Variants in CBL observed in about 807,000 individuals in gnomAD.
CBL encodes the protein Cbl proto-oncogene.
Under a neutral mutation model 96.9 loss-of-function variants are expected in CBL, and 45 were observed. The observed-to-expected ratio is 0.46, with a 90% CI of 0.37 to 0.60. CBL has a LOEUF of 0.60. Among genes scored for constraint, CBL ranks in the 20% least tolerant of loss-of-function variants. The pLI, the probability that CBL is intolerant of heterozygous loss-of-function variation, is 0.00. For missense variants in CBL, 1,024 were observed against 1,143.5 expected (o/e 0.90, Z 1.51); for synonymous variants, 420 against 426.8 (o/e 0.98, Z 0.20).
chr11:119,285,143 T>C, intron 10 of CBL, 43 bp downstream of exon 10: 1 of 1,614,140 alleles, frequency 6.2e-7, no homozygotes, highest in Non-Finnish European at 8.5e-7. Flanking sequence ...TTCTTTGCTG[T>C]GTACTAGTGG....
At chr11:119,230,678 G>A (rs1273188859) in intron 1 of CBL, among the ~76,000 whole-genome samples, 4 of 152,100 alleles carry the variant, frequency 2.6e-5, no homozygotes, top group Non-Finnish European at 4.4e-5. Flanking sequence ...TTCTCATATG[G>A]ATAACAAAGT....
At chr11:119,231,173 C>G (rs1318734351) in intron 1 of CBL, among the ~76,000 whole-genome samples, 1 of 152,092 alleles carries the variant, frequency 6.6e-6, no homozygotes, top group Non-Finnish European at 1.5e-5. Context: ...AAGGCTGAGG[C>G]TGGCAGATCA....
intron 2 of CBL, among the ~76,000 whole-genome samples, chr11:119,269,927 G>A (rs1949830377): frequency 6.6e-6 from 1 of 152,130 alleles, no homozygotes; most frequent in African/African-American, 2.4e-5. Flanking sequence ...AACCCGGGAG[G>A]CGGAGCTTGC....
At chr11:119,267,969 A>G (rs1317859230) in intron 2 of CBL, among the ~76,000 whole-genome samples, 1 of 152,226 alleles carries the variant, frequency 6.6e-6, no homozygotes, top group African/African-American at 2.4e-5. Context: ...ACTGGGTCTT[A>G]TTTCAGACCA....
intron 9 of CBL, among the ~76,000 whole-genome samples, chr11:119,281,978 T>G (rs934136821): frequency 1.3e-5 from 2 of 152,246 alleles, no homozygotes; most frequent in Non-Finnish European, 2.9e-5. Flanking sequence ...ATTTCTCTGA[T>G]CACTTATTTT....
intron 2 of CBL, among the ~76,000 whole-genome samples, chr11:119,264,000 A>G (rs1272535127): frequency 6.6e-6 from 1 of 152,214 alleles, no homozygotes; most frequent in East Asian, 1.9e-4. Context: ...TATGAGTCTT[A>G]AGCCTATACC....
At chr11:119,224,403 C>G (rs1163639494) in intron 1 of CBL, among the ~76,000 whole-genome samples, 1 of 152,092 alleles carries the variant, frequency 6.6e-6, no homozygotes, top group East Asian at 1.9e-4. Flanking sequence ...CCTCCAGCCA[C>G]TGCCCCCCAT....
rs1303812580 is a variant in CBL, at chr11:119,278,263, A to G, written c.1193A>G (p.His398Arg). The change falls in exon 8 of 16, where the codon CAC (histidine) becomes CGC (arginine). Residue 398 changes from histidine to arginine, a missense_variant. His to Arg is a conservative substitution (Grantham distance 29). Coordinates refer to ENST00000264033, the MANE Select transcript of CBL (RefSeq NM_005188.4). ...GATGTAAAGATTGAGCCCTGTGGAC[A>G]CCTCATGTGCACATCCTGTCTTACA... ...DKDVKIEPCGHLMCTSCLTSW... is the reference protein window; with the variant it reads ...DKDVKIEPCGRLMCTSCLTSW... The G allele has an allele frequency of 1.2e-6, 2 of 1,613,954 alleles. No homozygotes were observed. The highest frequency in any genetic ancestry group is 1.7e-6 in the Non-Finnish European group (2 of 1,179,844).
intron 11 of CBL, 46 bp downstream of exon 11, chr11:119,285,612 T>C: frequency 6.3e-7 from 1 of 1,599,516 alleles, no homozygotes; most frequent in East Asian, 2.2e-5. Context: ...GAAATATGTG[T>C]GGGCCAGGCA....
chr11:119,298,495 A>C lies in CBL; in HGVS notation c.2389A>C (p.Ser797Arg), dbSNP rs138151048. 2.5e-6 allele frequency: 4 copies of C among 1,614,084 alleles called. No homozygotes were observed. The highest frequency in any genetic ancestry group is 3.4e-6 in the Non-Finnish European group (4 of 1,180,044). The change falls in exon 15 of 16, where the codon AGC becomes CGC. Residue 797 changes from serine (S) to arginine (R), a missense_variant. Around this residue, in one of 4 missense-constraint regions of CBL, gnomAD observed 695 missense variants for 661.6 expected, o/e 1.05. Coordinates refer to ENST00000264033, the MANE Select transcript of CBL (RefSeq NM_005188.4). ...RRTLSDISNA[S>R]SSFGWLSLDG... ...AACTCTCTCAGATATCTCTAATGCC[A>C]GCTCCTCCTTTGGCTGGTTGTCTCT...
chr11:119,297,820 C>T (rs1367260059), intron 14 of CBL, among the ~76,000 whole-genome samples: 1 of 152,186 alleles, frequency 6.6e-6, no homozygotes, highest in African/African-American at 2.4e-5. Context: ...ATCCCCAATC[C>T]TTTATTTCCT....
At chr11:119,247,001 G>A (rs1949636604) in intron 2 of CBL, among the ~76,000 whole-genome samples, 1 of 152,160 alleles carries the variant, frequency 6.6e-6, no homozygotes, top group South Asian at 2.1e-4. Flanking sequence ...GGAAGCTGTT[G>A]CTGATGGTTG....
chr11:119,254,672 G>T (rs1402794705), intron 2 of CBL, among the ~76,000 whole-genome samples: 4 of 151,990 alleles, frequency 2.6e-5, no homozygotes, highest in Non-Finnish European at 2.9e-5. Flanking sequence ...TGCCATCTTG[G>T]CTCACGGCAG....
At chr11:119,264,441 C>CTCTTCTCTTT (rs1443419123) in intron 2 of CBL, among the ~76,000 whole-genome samples, 1 of 84,396 alleles carries the variant, frequency 1.2e-5, no homozygotes, top group Non-Finnish European at 2.7e-5. Flanking sequence ...CTCTTCTCTT[C>CTCTTCTCTTT]TTTCTCTTCT....
At chr11:119,278,813 T>A in intron 9 of CBL, 100 bp downstream of exon 9, 2 of 849,842 alleles carry the variant, frequency 2.4e-6, no homozygotes, top group Non-Finnish European at 4.0e-6. Context: ...TAGGTAGTAT[T>A]AATAGCTAAT....
intron 1 of CBL, among the ~76,000 whole-genome samples, chr11:119,223,184 CTTTTTTTT>C (rs1167302746): frequency 2.1e-4 from 14 of 67,156 alleles, no homozygotes; most frequent in African/African-American, 9.9e-4. Flanking sequence ...CACACCCTTC[CTTTTTTTT>C]TTTTTTTTTT....
intron 7 of CBL, 81 bp downstream of exon 7, chr11:119,277,925 A>G: frequency 9.5e-7 from 1 of 1,055,832 alleles, no homozygotes; most frequent in East Asian, 2.4e-5. Context: ...GCATAATTGA[A>G]TTCATTGGAA....
At chr11:119,246,201 T>G (rs1949630147) in intron 2 of CBL, among the ~76,000 whole-genome samples, 1 of 151,826 alleles carries the variant, frequency 6.6e-6, no homozygotes, top group African/African-American at 2.4e-5. Flanking sequence ...TCTTGATCTC[T>G]TGACCTCGTG....
chr11:119,260,939 CTTTTT>C (rs35248070), intron 2 of CBL, among the ~76,000 whole-genome samples: 31 of 89,920 alleles, frequency 3.4e-4, no homozygotes, highest in African/African-American at 1.3e-3. Context: ...TAAATCTCTA[CTTTTT>C]TTTTTTTTTT....
Sources: allele counts gnomAD v4.1 joint callset (sites outside exome capture counted in the v4.1 genomes callset), GRCh38; gene constraint gnomAD v4.1.1; regional missense constraint gnomAD v4.1.1; transcripts MANE v1.5; gene names NCBI Gene and HGNC (gene_info 2026-07-23, HGNC 2026-07-21).